The following GRIA1 variants were observed in gnomAD, a reference collection of about 807,000 sequenced individuals.
GRIA1 encodes glutamate receptor 1.
Under a neutral mutation model 99.2 loss-of-function variants are expected in GRIA1, and 31 were observed. The observed-to-expected ratio is 0.31, with a 90% CI of 0.23 to 0.42. GRIA1 has a LOEUF of 0.42. Among genes scored for constraint, GRIA1 ranks in the 10% least tolerant of loss-of-function variants. The pLI, the probability that GRIA1 is intolerant of heterozygous loss-of-function variation, is 1.00. For missense variants in GRIA1, 782 were observed against 1,157.5 expected (o/e 0.68, Z 4.71); for synonymous variants, 438 against 432.4 (o/e 1.01, Z -0.16).
At chr5:153,739,766 C>T (rs1761649377) in intron 11 of GRIA1, among the ~76,000 whole-genome samples, 1 of 152,176 alleles carries the variant, frequency 6.6e-6, no homozygotes, top group Non-Finnish European at 1.5e-5. Flanking sequence ...ATCAGTAAGA[C>T]ACATGACATC....
At chr5:153,809,445 G>T (rs1249846278) in intron 15 of GRIA1, among the ~76,000 whole-genome samples, 1 of 152,100 alleles carries the variant, frequency 6.6e-6, no homozygotes, top group African/African-American at 2.4e-5. Context: ...ATTTTAAAAA[G>T]AACATTTTAA....
At chr5:153,795,270 A>G (rs1177208110) in intron 14 of GRIA1, among the ~76,000 whole-genome samples, 2 of 152,072 alleles carry the variant, frequency 1.3e-5, no homozygotes, top group Non-Finnish European at 2.9e-5. Flanking sequence ...AGTGATACTC[A>G]TCTTGCTATA....
At chr5:153,764,133 T>C (rs975243828) in intron 11 of GRIA1, among the ~76,000 whole-genome samples, 2 of 152,244 alleles carry the variant, frequency 1.3e-5, no homozygotes, top group African/African-American at 4.8e-5. Context: ...TGTTGACATA[T>C]CTGTGTCTTT....
intron 11 of GRIA1, among the ~76,000 whole-genome samples, chr5:153,750,634 C>T (rs11954176): frequency 0.18 from 27,046 of 152,110 alleles, 2,604 homozygotes; most frequent in Middle Eastern, 0.29. Flanking sequence ...GTGTCTGCTC[C>T]CCCTGCCCCT....
At chr5:153,544,089 A>C (rs1190143106) in intron 2 of GRIA1, among the ~76,000 whole-genome samples, 1 of 152,174 alleles carries the variant, frequency 6.6e-6, no homozygotes, top group Non-Finnish European at 1.5e-5. Context: ...CTGGGAAAAA[A>C]GTGTTTTATA....
intron 11 of GRIA1, among the ~76,000 whole-genome samples, chr5:153,751,730 C>T (rs1402762549): frequency 6.6e-6 from 1 of 152,238 alleles, no homozygotes. Flanking sequence ...CAAGAAATGC[C>T]TATCGGAAAC....
chr5:153,633,420 C>T (rs543958035), intron 2 of GRIA1, among the ~76,000 whole-genome samples: 6 of 152,118 alleles, frequency 3.9e-5, no homozygotes, highest in Non-Finnish European at 8.8e-5. Flanking sequence ...GGAGTTGTTT[C>T]CTGCCATGTT....
In GRIA1 at chr5:153,791,097, C is replaced by T. The variant is rs190277393; in HGVS notation, c.2271-3524C>T. ...AGTTTTCCAGAACCAGAATCGCCCC[C>T]GGGCCACCATTCTTTTAGCAATTCG... On this transcript the variant is annotated intron_variant, in intron 13 of 15. Coordinates refer to ENST00000285900, the MANE Select transcript of GRIA1 (RefSeq NM_000827.4). Among the ~76,000 whole-genome samples the T allele has an allele frequency of 3.0e-3, 448 of 151,706 alleles. 3 individuals are homozygous for T. The highest frequency in any genetic ancestry group is 0.01 in the African/African-American group (415 of 41,344).
At chr5:153,616,748 A>G (rs1053865988) in intron 2 of GRIA1, among the ~76,000 whole-genome samples, 3 of 152,004 alleles carry the variant, frequency 2.0e-5, no homozygotes, top group African/African-American at 7.2e-5. Context: ...AGAGGAGTGT[A>G]TTCTTGGGCA....
chr5:153,520,034 T>C (rs538016428), intron 2 of GRIA1, among the ~76,000 whole-genome samples: 2 of 152,204 alleles, frequency 1.3e-5, no homozygotes, highest in South Asian at 4.2e-4. Context: ...GCCTGTTAGG[T>C]TCGTAGTAAC....
At chr5:153,808,876 A>C (rs1766617846) in intron 15 of GRIA1, among the ~76,000 whole-genome samples, 1 of 152,226 alleles carries the variant, frequency 6.6e-6, no homozygotes, top group Non-Finnish European at 1.5e-5. Context: ...AACTCTAATG[A>C]TGTGACCTTC....
At chr5:153,634,329 AG>A (rs1753195525) in intron 2 of GRIA1, among the ~76,000 whole-genome samples, 4 of 114,204 alleles carry the variant, frequency 3.5e-5, no homozygotes, top group Admixed American at 2.5e-4. Flanking sequence ...AAAAAAAAAA[AG>A]AAAAAAAAAA....
chr5:153,544,119 A>C (rs1759394715), intron 2 of GRIA1, among the ~76,000 whole-genome samples: 2 of 152,180 alleles, frequency 1.3e-5, no homozygotes, highest in South Asian at 4.1e-4. Context: ...GGAGTTTAAA[A>C]GTCAAATGAG....
intron 2 of GRIA1, among the ~76,000 whole-genome samples, chr5:153,635,357 G>A (rs1291682448): frequency 4.6e-5 from 7 of 152,202 alleles, no homozygotes; most frequent in Non-Finnish European, 8.8e-5. Context: ...GACTGGGCCA[G>A]GAGGGGAAGC....
At chr5:153,521,796 C>T (rs554566059) in intron 2 of GRIA1, among the ~76,000 whole-genome samples, 3 of 152,300 alleles carry the variant, frequency 2.0e-5, no homozygotes, top group Admixed American at 2.0e-4. Context: ...GCTCTCATTA[C>T]ACCAAAGATA....
At chr5:153,608,639 A>C (rs1016506674) in intron 2 of GRIA1, among the ~76,000 whole-genome samples, 8 of 152,136 alleles carry the variant, frequency 5.3e-5, no homozygotes, top group African/African-American at 1.7e-4. Context: ...TCAATCCTTC[A>C]TTTAATCTCC....
intron 11 of GRIA1, among the ~76,000 whole-genome samples, chr5:153,754,909 T>A (rs1762728955): frequency 6.6e-6 from 1 of 152,180 alleles, no homozygotes; most frequent in African/African-American, 2.4e-5. Flanking sequence ...GGCAAACAGA[T>A]GCCATAGTTC....
At chr5:153,734,686 G>A (rs564400492) in intron 11 of GRIA1, among the ~76,000 whole-genome samples, 1 of 152,324 alleles carries the variant, frequency 6.6e-6, no homozygotes, top group South Asian at 2.1e-4. Flanking sequence ...GAAACATGGA[G>A]CAGAGACCTT....
chr5:153,538,616 G>T (rs1004569851), intron 2 of GRIA1, among the ~76,000 whole-genome samples: 1 of 152,098 alleles, frequency 6.6e-6, no homozygotes, highest in African/African-American at 2.4e-5. Flanking sequence ...CCTCTGGGAG[G>T]TCTACTGCAA....
Sources: gnomAD v4.1 joint callset for allele counts (sites outside exome capture counted in the v4.1 genomes callset) on GRCh38, gnomAD v4.1.1 for gene constraint, MANE v1.5 for transcripts, NCBI Gene and HGNC (gene_info 2026-07-23, HGNC 2026-07-21) for gene names.